Variants in KCTD16 observed in about 807,000 individuals in gnomAD.
KCTD16 encodes the protein BTB/POZ domain-containing protein KCTD16.
In KCTD16, 13 loss-of-function variants were observed where a neutral mutation model predicts 33.2. That is an observed-to-expected ratio of 0.39 (90% CI 0.25 to 0.62). The LOEUF (loss-of-function observed/expected upper bound fraction) is 0.62, where lower values mean the gene tolerates loss of function less well. Among genes scored for constraint, KCTD16 ranks in the 20% least tolerant of loss-of-function variants. The pLI, the probability that KCTD16 is intolerant of heterozygous loss-of-function variation, is 0.50. For missense variants in KCTD16, 441 were observed against 525.1 expected (o/e 0.84, Z 1.57); for synonymous variants, 197 against 195.3 (o/e 1.01, Z -0.07).
At chr5:144,398,394 C>A (rs1411755904) in intron 3 of KCTD16, among the ~76,000 whole-genome samples, 2 of 152,084 alleles carry the variant, frequency 1.3e-5, no homozygotes, top group African/African-American at 4.8e-5. Context: ...TTTCCTCAAT[C>A]TTATTATGTT....
intron 3 of KCTD16, among the ~76,000 whole-genome samples, chr5:144,225,116 C>T (rs185385054): frequency 4.8e-4 from 73 of 152,230 alleles, no homozygotes; most frequent in Non-Finnish European, 8.8e-4. Flanking sequence ...CTATCTTTTT[C>T]GAACTGCCAA....
intron 3 of KCTD16, among the ~76,000 whole-genome samples, chr5:144,396,616 T>G (rs1372270956): frequency 6.6e-6 from 1 of 152,184 alleles, no homozygotes; most frequent in Non-Finnish European, 1.5e-5. Context: ...CACAGAAGCT[T>G]TGTAAGATTT....
chr5:144,386,565 A>G (rs1318900349), intron 3 of KCTD16, among the ~76,000 whole-genome samples: 3 of 152,166 alleles, frequency 2.0e-5, no homozygotes, highest in African/African-American at 7.2e-5. Flanking sequence ...AGTCCATTGT[A>G]AATACTCAAT....
intron 3 of KCTD16, among the ~76,000 whole-genome samples, chr5:144,455,514 A>G (rs1321334113): frequency 6.6e-6 from 1 of 152,228 alleles, no homozygotes; most frequent in Non-Finnish European, 1.5e-5. Context: ...GACTTGAGTG[A>G]CAGAGTTCCA....
intron 3 of KCTD16, among the ~76,000 whole-genome samples, chr5:144,312,384 G>C (rs1371802159): frequency 1.3e-5 from 2 of 152,148 alleles, no homozygotes; most frequent in Admixed American, 1.3e-4. Flanking sequence ...TTCCAATGCA[G>C]CTTCAAGATA....
chr5:144,453,462 G>A (rs1018659547), intron 3 of KCTD16, among the ~76,000 whole-genome samples: 2 of 152,252 alleles, frequency 1.3e-5, no homozygotes, highest in Non-Finnish European at 1.5e-5. Flanking sequence ...TTTCATAAGA[G>A]TCTGAAAGTC....
Position 144,207,539 on chromosome 5 carries a change from C to T in KCTD16, c.825C>T (p.Val275=), listed in dbSNP as rs2126790485. 1 of 1,608,164 alleles carries T rather than the reference C, an allele frequency of 6.2e-7. No individual in the cohort carries two copies. Among genetic ancestry groups the T allele is most frequent in the East Asian group, 2.2e-5 (1 of 44,792 alleles). ...TCTGGTCAAGCTACACTGAATATGTCTTCTACCGTAAGTACAAAGGGTTGT... is the reference window on the plus strand; with the variant it reads ...TCTGGTCAAGCTACACTGAATATGTTTTCTACCGTAAGTACAAAGGGTTGT... ...DKIWSSYTEY[V]FYREPSRWSP... Residue 275 remains valine (V), a synonymous_variant, in exon 3 of 4, where the codon GTC becomes GTT. Transcript: ENST00000512467.
chr5:144,196,216 C>T (rs774419429), intron 2 of KCTD16, among the ~76,000 whole-genome samples: 4 of 152,124 alleles, frequency 2.6e-5, no homozygotes, highest in East Asian at 1.9e-4. Flanking sequence ...GACTCTATGT[C>T]GGCTCTGATT....
chr5:144,320,759 GT>G (rs5871877), intron 3 of KCTD16, among the ~76,000 whole-genome samples: 32,642 of 142,396 alleles, frequency 0.23, 3,842 homozygotes, highest in Non-Finnish European at 0.28. Context: ...CTTTTTATTT[GT>G]TTTTTTTTTT....
intron 3 of KCTD16, among the ~76,000 whole-genome samples, chr5:144,301,230 G>C (rs1327395060): frequency 8.7e-6 from 1 of 114,706 alleles, no homozygotes; most frequent in Non-Finnish European, 1.7e-5. Flanking sequence ...GACAGAGCGA[G>C]ATTCCATCTC....
chr5:144,254,956 G>T (rs892673171), intron 3 of KCTD16, among the ~76,000 whole-genome samples: 3 of 151,812 alleles, frequency 2.0e-5, no homozygotes, highest in Admixed American at 2.0e-4. Context: ...TAGGGATGGG[G>T]GTCTCACTAT....
At chr5:144,414,098 ATC>A (rs1310771966) in intron 3 of KCTD16, among the ~76,000 whole-genome samples, 2 of 152,188 alleles carry the variant, frequency 1.3e-5, no homozygotes, top group Non-Finnish European at 2.9e-5. Context: ...GTTTAAAACA[ATC>A]TATCTAGCCA....
Position 144,206,636 on chromosome 5 carries a change from A to G in KCTD16, c.-79A>G, listed in dbSNP as rs1034717629. On this transcript the variant is annotated 5_prime_UTR_variant, in exon 3 of 4. Coordinates refer to ENST00000512467, the MANE Select transcript of KCTD16 (RefSeq NM_020768.4). ...TTAGCATCCTTTTCCCTTTCTTACA[A>G]GTTGATCCAAAGGATAAGGCTGTGA... The G allele has an allele frequency of 4.1e-6, 5 of 1,218,072 alleles. No individual in the cohort carries two copies. Among genetic ancestry groups the G allele is most frequent in the Non-Finnish European group, 5.8e-6 (5 of 860,130 alleles). The allele number at this position is 1,218,072 out of a possible 1,614,324, so 75.5% of individuals were successfully genotyped here. A position where few individuals can be genotyped will look rare whatever the true frequency, so the allele number is the denominator to read the frequency against.
intron 2 of KCTD16, among the ~76,000 whole-genome samples, chr5:144,178,450 A>G (rs572667129): frequency 1.3e-5 from 2 of 152,300 alleles, no homozygotes; most frequent in Admixed American, 1.3e-4. Flanking sequence ...AAACAGAGAC[A>G]TGTGAAATCA....
intron 3 of KCTD16, among the ~76,000 whole-genome samples, chr5:144,371,502 G>A (rs1208312064): frequency 6.6e-6 from 1 of 152,092 alleles, no homozygotes; most frequent in Non-Finnish European, 1.5e-5. Flanking sequence ...ATGAGTATGT[G>A]TTATCTGTTT....
chr5:144,394,683 C>G (rs1445361822), intron 3 of KCTD16, among the ~76,000 whole-genome samples: 1 of 152,136 alleles, frequency 6.6e-6, no homozygotes, highest in Non-Finnish European at 1.5e-5. Flanking sequence ...TGAGTGAGTC[C>G]TCACGAGATC....
chr5:144,420,144 T>C (rs1753176352), intron 3 of KCTD16, among the ~76,000 whole-genome samples: 1 of 152,152 alleles, frequency 6.6e-6, no homozygotes, highest in East Asian at 1.9e-4. Flanking sequence ...AGTGTGGAGT[T>C]CATCAATCTC....
intron 3 of KCTD16, among the ~76,000 whole-genome samples, chr5:144,464,669 C>A (rs1014641839): frequency 6.6e-6 from 1 of 150,918 alleles, no homozygotes; most frequent in Admixed American, 6.7e-5. Context: ...GTTCCTCTTC[C>A]TCCTCCTCAT....
intron 3 of KCTD16, among the ~76,000 whole-genome samples, chr5:144,223,269 G>A (rs887325837): frequency 3.9e-5 from 6 of 152,124 alleles, no homozygotes; most frequent in East Asian, 1.9e-4. Flanking sequence ...TTGTGCACAC[G>A]TACCCTAGAA....
Sources: allele counts gnomAD v4.1 joint callset (sites outside exome capture counted in the v4.1 genomes callset), GRCh38; gene constraint gnomAD v4.1.1; transcripts MANE v1.5; gene names NCBI Gene and HGNC (gene_info 2026-07-23, HGNC 2026-07-21).